RYK: variants seen among roughly 807,000 people sequenced by gnomAD.
The protein encoded by RYK is receptor like tyrosine kinase, also known as inactive tyrosine-protein kinase RYK.
RYK carries 21 observed loss-of-function variants against 70.2 expected under a neutral mutation model. That is an observed-to-expected ratio of 0.30 (90% CI 0.21 to 0.43). The LOEUF (loss-of-function observed/expected upper bound fraction) is 0.43. Ranked by LOEUF, RYK falls within the 20% of genes least tolerant of loss-of-function variation. The pLI is 1.00. For missense variants in RYK, 604 were observed against 753.3 expected (o/e 0.80, Z 2.32); for synonymous variants, 267 against 278.0 (o/e 0.96, Z 0.39).
At chr3:134,210,871 G>A (rs894183096) in intron 3 of RYK, among the ~76,000 whole-genome samples, 1 of 152,204 alleles carries the variant, frequency 6.6e-6, no homozygotes, top group Non-Finnish European at 1.5e-5. Flanking sequence ...AGAAGAGAAG[G>A]TGGCAGAAAA....
chr3:134,207,504 G>C lies in RYK; in HGVS notation c.611C>G (p.Ser204Ter). The part of the protein sequence containing the change: ...CYKKLEEVKT[S>*]ALDKNTSRTI... ...TCTGCTAGTGTTTTTGTCCAAGGCT[G>C]AAGTTTTTACTTCTTCAAGTTCTGA... The change falls in exon 5 of 15, where the codon TCA becomes TGA. Residue 204 changes from serine (S) to a stop codon, truncating the protein, a stop_gained. Coordinates refer to ENST00000623711, the MANE Select transcript of RYK (RefSeq NM_002958.4). LOFTEE classifies it high-confidence loss of function. 1 of 1,541,348 alleles carries C rather than the reference G, an allele frequency of 6.5e-7. No individual in the cohort carries two copies. The highest frequency in any genetic ancestry group is 8.8e-7 in the Non-Finnish European group (1 of 1,140,366).
intron 6 of RYK, among the ~76,000 whole-genome samples, chr3:134,199,266 G>A (rs543087329): frequency 5.9e-5 from 9 of 152,340 alleles, no homozygotes; most frequent in African/African-American, 2.2e-4. Context: ...CTAAGTGCCT[G>A]GAATGGAAGA....
chr3:134,246,093 G>A (rs1156618911), intron 1 of RYK, among the ~76,000 whole-genome samples: 1 of 151,832 alleles, frequency 6.6e-6, no homozygotes, highest in African/African-American at 2.4e-5. Context: ...GATAAGTAAA[G>A]ATAATACATC....
chr3:134,223,889 T>A (rs1010614981), intron 1 of RYK, among the ~76,000 whole-genome samples: 5 of 152,208 alleles, frequency 3.3e-5, no homozygotes, highest in African/African-American at 1.2e-4. Flanking sequence ...TCATACCTCC[T>A]AAGAATATAG....
At chr3:134,240,245 G>A (rs985268500) in intron 1 of RYK, among the ~76,000 whole-genome samples, 1 of 152,124 alleles carries the variant, frequency 6.6e-6, no homozygotes, top group Admixed American at 6.5e-5. Context: ...AATAATCTAA[G>A]TAGAGGATAA....
intron 5 of RYK, among the ~76,000 whole-genome samples, chr3:134,204,706 T>C (rs1039396562): frequency 8.0e-5 from 12 of 150,626 alleles, no homozygotes; most frequent in Admixed American, 7.9e-4. Context: ...CAAACAGAAG[T>C]AGAACTGGTG....
intron 13 of RYK, among the ~76,000 whole-genome samples, chr3:134,161,029 C>T (rs759805234): frequency 3.3e-5 from 5 of 152,108 alleles, no homozygotes; most frequent in Admixed American, 1.3e-4. Context: ...AGAAAATATA[C>T]CACATGGAAA....
rs766785792 is a variant in RYK at position 134,191,971 on chromosome 3, T to C, written c.893A>G (p.Tyr298Cys). The C allele has an allele frequency of 1.2e-6, 2 of 1,612,912 alleles. No homozygotes were observed. Among genetic ancestry groups the C allele is most frequent in the East Asian group, 2.2e-5 (1 of 44,834 alleles). Residue 298 changes from tyrosine (Y) to cysteine (C), a missense_variant, in exon 8 of 15, where the codon TAT becomes TGT. Transcript: ENST00000623711. The stretch of plus-strand genomic sequence containing the variant: ...GTTCTTCTCTATCCGCAAGGTAGGA[T>C]AACCTAAGGAGCCAACAAAGCCAAA... ...TPNNATPITS[Y>C]PTLRIEKNDL...
chr3:134,230,825 T>C (rs1052247378), intron 1 of RYK, among the ~76,000 whole-genome samples: 1 of 152,210 alleles, frequency 6.6e-6, no homozygotes, highest in Non-Finnish European at 1.5e-5. Flanking sequence ...TCATTATACG[T>C]AGTTTAACTA....
Position 134,250,483 on chromosome 3 carries a change from C to T in RYK, c.172G>A (p.Ala58Thr). 1 of 1,346,140 alleles carries T rather than the reference C, an allele frequency of 7.4e-7. No individual in the cohort carries two copies. The highest frequency in any genetic ancestry group is 9.6e-7 in the Non-Finnish European group (1 of 1,043,566). The allele number at this position is 1,346,140 out of a possible 1,614,324, so 83.4% of individuals were successfully genotyped here. ...AGACTCACGCTGGGCCCCGCGGAAG[C>T]CGACTGCAGCTCCGGGGGCCGCGGG... ...PAPRPPELQS[A>T]SAGPSVSLYL... The change falls in exon 1 of 15, where the codon GCT (alanine) becomes ACT (threonine). Residue 58 changes from alanine to threonine, a missense_variant. Ala to Thr is a moderately conservative substitution (Grantham distance 58, BLOSUM62 0). Coordinates refer to ENST00000623711, the MANE Select transcript of RYK (RefSeq NM_002958.4).
chr3:134,159,085 T>C (rs1031240832), intron 14 of RYK, among the ~76,000 whole-genome samples, 152 bp downstream of exon 14: 1 of 152,212 alleles, frequency 6.6e-6, no homozygotes, highest in East Asian at 1.9e-4. Flanking sequence ...CTCCCTGACT[T>C]TGTGGTTTTT....
At chr3:134,215,834 T>A (rs1214889670) in intron 2 of RYK, among the ~76,000 whole-genome samples, 1 of 151,862 alleles carries the variant, frequency 6.6e-6, no homozygotes, top group African/African-American at 2.4e-5. Context: ...GGCCAGGAGT[T>A]CAAGACCAGC....
Position 134,177,511 on chromosome 3 carries a change from G to A in RYK, c.1305+430C>T, listed in dbSNP as rs192511354. Among the ~76,000 whole-genome samples the A allele has an allele frequency of 3.1e-3, 466 of 152,182 alleles. 1 individual carries two copies. Among genetic ancestry groups the A allele is most frequent in the Non-Finnish European group, 4.2e-3 (286 of 67,996 alleles). On this transcript the variant is annotated intron_variant, in intron 11 of 14. Coordinates refer to ENST00000623711, the MANE Select transcript of RYK (RefSeq NM_002958.4). ...TAGATGACTGCCATCTTACAGCCAC[G>A]CATATTAACAATACATCCAATTATC...
At chr3:134,216,211 T>C (rs76313507) in intron 2 of RYK, among the ~76,000 whole-genome samples, 14,551 of 152,254 alleles carry the variant, frequency 0.096, 802 homozygotes, top group Middle Eastern at 0.16. Context: ...CATTTCCTTC[T>C]GGAACACAGA....
At chr3:134,176,072 T>C (rs1388102713) in intron 11 of RYK, 33 bp from the exon 12 acceptor site, 4 of 1,247,692 alleles carry the variant, frequency 3.2e-6, no homozygotes, top group East Asian at 5.0e-5. Context: ...GGTTTGCAAA[T>C]AGCACACAAA....
rs551453464 is a variant in RYK at position 134,189,092 on chromosome 3, A to C, written c.1016-169T>G. Among the ~76,000 whole-genome samples the C allele has an allele frequency of 3.3e-5, 5 of 151,186 alleles. No homozygotes were observed. The East Asian group carries it at 9.6e-4, about 29-fold the overall frequency. On this transcript the variant is annotated intron_variant, in intron 8 of 14. Coordinates refer to ENST00000623711, the MANE Select transcript of RYK (RefSeq NM_002958.4). ...AAATCTTTGGTTTTAACGACTGTTA[A>C]AAGTTTTTTGTGACTATTACACATC...
chr3:134,226,427 C>T (rs890715496), intron 1 of RYK, among the ~76,000 whole-genome samples: 1 of 152,212 alleles, frequency 6.6e-6, no homozygotes, highest in South Asian at 2.1e-4. Context: ...TTAGGGAAGA[C>T]ACAACACCAA....
chr3:134,234,511 T>C (rs1040818021), intron 1 of RYK, among the ~76,000 whole-genome samples: 4 of 152,114 alleles, frequency 2.6e-5, no homozygotes, highest in Non-Finnish European at 2.9e-5. Flanking sequence ...AATTATTGGG[T>C]TACCCATGCT....
At chr3:134,241,095 G>T (rs1249158343) in intron 1 of RYK, among the ~76,000 whole-genome samples, 2 of 147,170 alleles carry the variant, frequency 1.4e-5, no homozygotes, top group African/African-American at 5.0e-5. Context: ...CCCAGACAGG[G>T]TTGGTGGGGG....
Sources: gnomAD v4.1 joint callset for allele counts (sites outside exome capture counted in the v4.1 genomes callset) on GRCh38, gnomAD v4.1.1 for gene constraint, MANE v1.5 for transcripts, NCBI Gene and HGNC (gene_info 2026-07-23, HGNC 2026-07-21) for gene names.